The following PGM5 variants were observed in gnomAD, a reference collection of about 807,000 sequenced individuals.
PGM5 encodes the protein phosphoglucomutase-like protein 5.
In PGM5, 23 loss-of-function variants were observed where a neutral mutation model predicts 59.2. The ratio of observed to expected loss-of-function variants is 0.39; its 90% CI spans 0.28 to 0.55. The LOEUF is 0.55. PGM5 is among the 20% of genes least tolerant of loss of function. PGM5 has a pLI of 0.66. For synonymous variants in PGM5, 214 were observed against 286.0 expected (o/e 0.75, Z 2.54); for missense variants, 574 against 748.3 (o/e 0.77, Z 2.72).
chr9:68,501,364 A>G (rs781968398), intron 10 of PGM5, among the ~76,000 whole-genome samples: 7 of 152,238 alleles, frequency 4.6e-5, no homozygotes, highest in Non-Finnish European at 7.3e-5. Context: ...TAAGATTTTA[A>G]AAGAAATCTA....
At chr9:68,402,082 G>A (rs2770859) in intron 6 of PGM5, among the ~76,000 whole-genome samples, 40 of 143,270 alleles carry the variant, frequency 2.8e-4, no homozygotes, top group African/African-American at 8.2e-4. Flanking sequence ...GGCTAACATG[G>A]CGAAGCCCCT....
chr9:68,491,486 A>G (rs1243476840), intron 9 of PGM5, among the ~76,000 whole-genome samples: 1 of 152,180 alleles, frequency 6.6e-6, no homozygotes, highest in African/African-American at 2.4e-5. Context: ...GATAACTGTG[A>G]TTAGGATTCT....
intron 6 of PGM5, chr9:68,405,949 G>T (rs1328625153): frequency 6.6e-6 from 1 of 152,288 alleles, no homozygotes; most frequent in Non-Finnish European, 1.5e-5. Flanking sequence ...TAGAGCTGGG[G>T]AGTGTTTTTA....
rs781374136 is a variant in PGM5 at position 68,517,047 on chromosome 9, C to CTT, written c.1615-12506_1615-12505dup. Reference sequence around the variant, plus strand: ...CCACCACGCCCGGCTAATTTTTTGTCTTTTTTTTTTTTTTTAAATAGAGAC... The same window carrying CTT: ...CCACCACGCCCGGCTAATTTTTTGTCTTTTTTTTTTTTTTTTTAAATAGAGAC... On this transcript the variant is annotated intron_variant, in intron 10 of 10. Coordinates refer to ENST00000396396, the MANE Select transcript of PGM5 (RefSeq NM_021965.4). Among the ~76,000 whole-genome samples, 279 of 139,492 alleles carry CTT rather than the reference C, an allele frequency of 2.0e-3. 1 individual carries two copies. The highest frequency in any genetic ancestry group is 6.7e-3 in the African/African-American group (255 of 38,214). 91.5% of individuals were successfully genotyped at this position (139,492 alleles called of 152,430 possible).
chr9:68,460,331 G>T (rs915216075), intron 6 of PGM5, among the ~76,000 whole-genome samples: 1 of 152,188 alleles, frequency 6.6e-6, no homozygotes, highest in Non-Finnish European at 1.5e-5. Flanking sequence ...TGCAAAGGTG[G>T]ATATGTCAGC....
intron 6 of PGM5, among the ~76,000 whole-genome samples, chr9:68,445,268 C>G (rs1409005769): frequency 6.6e-6 from 1 of 152,074 alleles, no homozygotes; most frequent in African/African-American, 2.4e-5. Flanking sequence ...AGATTCTGAT[C>G]CATTCTTTCT....
At chr9:68,431,132 A>T (rs1373049024) in intron 6 of PGM5, among the ~76,000 whole-genome samples, 10 of 152,224 alleles carry the variant, frequency 6.6e-5, no homozygotes, top group African/African-American at 2.4e-4. Flanking sequence ...AGAACGCATT[A>T]AAAGAGATTC....
chr9:68,412,017 T>A (rs1814991408), intron 6 of PGM5, among the ~76,000 whole-genome samples: 1 of 149,184 alleles, frequency 6.7e-6, no homozygotes, highest in Admixed American at 6.7e-5. Flanking sequence ...AGTAGTGGTG[T>A]TTGCTGGACT....
intron 9 of PGM5, among the ~76,000 whole-genome samples, chr9:68,489,469 CTTT>C (rs797028640): frequency 1.5e-5 from 2 of 135,534 alleles, no homozygotes; most frequent in Non-Finnish European, 1.6e-5. Context: ...TTTTTCTTTT[CTTT>C]TTTTTTTTTT....
intron 6 of PGM5, among the ~76,000 whole-genome samples, chr9:68,455,346 T>C (rs1401913256): frequency 6.6e-6 from 1 of 151,998 alleles, no homozygotes. Context: ...GAGATATTAA[T>C]CTATTGTCCA....
At chr9:68,373,022 C>G (rs565884097) in intron 1 of PGM5, among the ~76,000 whole-genome samples, 1 of 151,828 alleles carries the variant, frequency 6.6e-6, no homozygotes, top group Non-Finnish European at 1.5e-5. Flanking sequence ...TTGGAGGAGA[C>G]AAACATCTAA....
intron 1 of PGM5, among the ~76,000 whole-genome samples, chr9:68,361,011 T>C (rs1213145397): frequency 6.6e-6 from 1 of 152,210 alleles, no homozygotes; most frequent in Non-Finnish European, 1.5e-5. Flanking sequence ...CTCAAATTCC[T>C]GGGCTCAAGT....
chr9:68,357,362 G>A lies in PGM5; in HGVS notation c.235G>A (p.Val79Met), dbSNP rs782761842. The change falls in exon 1 of 11, where the codon GTG (valine) becomes ATG (methionine). Residue 79 changes from valine to methionine, a missense_variant. Around this residue, in one of 7 missense-constraint regions of PGM5, gnomAD observed 61 missense variants for 133.3 expected, o/e 0.46. Coordinates refer to ENST00000396396, the MANE Select transcript of PGM5 (RefSeq NM_021965.4). ...CTTTAGCAGGACGGCCATCGAGATC[G>A]TGGTGCAGATGGCCGCGGCCAACGG... ...RYFSRTAIEI[V>M]VQMAAANGIG... 3.2e-6 allele frequency: 5 copies of A among 1,561,674 alleles called. No homozygotes were observed. Among genetic ancestry groups the A allele is most frequent in the South Asian group, 1.2e-5 (1 of 85,044 alleles).
At chr9:68,411,425 G>A (rs1395382095) in intron 6 of PGM5, among the ~76,000 whole-genome samples, 3 of 134,040 alleles carry the variant, frequency 2.2e-5, no homozygotes, top group Non-Finnish European at 3.1e-5. Flanking sequence ...ATACATGTGT[G>A]TATATATATA....
At chr9:68,370,339 G>A (rs1554677068) in intron 1 of PGM5, among the ~76,000 whole-genome samples, 1 of 152,000 alleles carries the variant, frequency 6.6e-6, no homozygotes, top group African/African-American at 2.4e-5. Flanking sequence ...TCTGATTTAA[G>A]ACATTTCACA....
intron 1 of PGM5, chr9:68,371,595 C>T (rs1304678726): frequency 6.6e-6 from 1 of 152,104 alleles, no homozygotes; most frequent in Non-Finnish European, 1.5e-5. Flanking sequence ...CAACCCTCTT[C>T]TTTCTTGGCT....
chr9:68,376,632 G>A (rs147599730), intron 1 of PGM5, among the ~76,000 whole-genome samples: 154 of 152,046 alleles, frequency 1.0e-3, no homozygotes, highest in Non-Finnish European at 1.7e-3. Context: ...TTGTTGAACT[G>A]TATGTTAAAG....
In PGM5 at chr9:68,441,417, A is replaced by G. The variant is rs1237443229; in HGVS notation, c.1044-23676A>G. On this transcript the variant is annotated intron_variant, in intron 6 of 10. Coordinates refer to ENST00000396396, the MANE Select transcript of PGM5 (RefSeq NM_021965.4). ...TAACACAATATATCTAGCAGTATATAAAAAGAAAAGTCAGTGGGATTTACT... is the reference window on the plus strand; with the variant it reads ...TAACACAATATATCTAGCAGTATATGAAAAGAAAAGTCAGTGGGATTTACT... Among the ~76,000 whole-genome samples, 4 of 152,176 alleles carry G rather than the reference A, an allele frequency of 2.6e-5. No homozygotes were observed. The East Asian group carries it at 7.7e-4, about 29-fold the overall frequency.
intron 7 of PGM5, among the ~76,000 whole-genome samples, chr9:68,476,104 A>G (rs772125670): frequency 1.8e-4 from 28 of 152,242 alleles, no homozygotes; most frequent in Non-Finnish European, 3.8e-4. Flanking sequence ...AGGTTAAGAA[A>G]TAAAATAGCT....
Sources: gnomAD v4.1 joint callset for allele counts (sites outside exome capture counted in the v4.1 genomes callset) on GRCh38, gnomAD v4.1.1 for gene constraint, gnomAD v4.1.1 regional missense constraint, MANE v1.5 for transcripts, NCBI Gene and HGNC (gene_info 2026-07-23, HGNC 2026-07-21) for gene names.